The following CDH17 variants were observed in gnomAD, a reference collection of about 807,000 sequenced individuals.
CDH17 encodes cadherin 17.
Under a neutral mutation model 86.3 loss-of-function variants are expected in CDH17, and 67 were observed. The ratio of observed to expected loss-of-function variants is 0.78; its 90% confidence interval spans 0.64 to 0.95. CDH17 has a LOEUF of 0.95. Ranked by LOEUF, CDH17 falls within the 40% of genes least tolerant of loss-of-function variation. The pLI, the probability that CDH17 is intolerant of heterozygous loss-of-function variation, is 0.00. For synonymous variants in CDH17, 367 were observed against 366.4 expected, an observed-to-expected ratio of 1.00 and a Z score of -0.02; for missense variants, 993 against 1,017.6, an observed-to-expected ratio of 0.98 and a Z score of 0.33.
chr8:94,200,233 C>T (rs892920123), intron 1 of CDH17, among the ~76,000 whole-genome samples: 3 of 152,158 alleles, frequency 2.0e-5, no homozygotes, highest in Non-Finnish European at 2.9e-5. Context: ...TACCCTGGGT[C>T]GCAATGGTGC....
chr8:94,182,067 C>A (rs1443732259), intron 3 of CDH17, among the ~76,000 whole-genome samples: 1 of 152,020 alleles, frequency 6.6e-6, no homozygotes, highest in Non-Finnish European at 1.5e-5. Context: ...ACAAAAACTA[C>A]TAAAACTGAT....
intron 10 of CDH17, among the ~76,000 whole-genome samples, chr8:94,163,015 T>G (rs115163705): frequency 6.6e-6 from 1 of 152,220 alleles, no homozygotes; most frequent in African/African-American, 2.4e-5. Flanking sequence ...ATGTGAGAGC[T>G]TGGGTGCCTC....
chr8:94,178,599 G>A lies in CDH17; in HGVS notation c.151-878C>T, dbSNP rs549909962. On this transcript the variant is annotated intron_variant, in intron 3 of 17. Transcript: ENST00000027335. ...AAAAAAAGGACAGTGAAATTATTAT[G>A]GCACATGAACTTGACAGAATATTAA... 2.9e-4 allele frequency among the ~76,000 whole-genome samples: 44 copies of A among 152,038 alleles called. 1 individual carries two copies. In the South Asian group the frequency reaches 8.7e-3, roughly 30 times the overall value.
At chr8:94,160,829 C>T (rs2130618812) in intron 11 of CDH17, among the ~76,000 whole-genome samples, 1 of 152,322 alleles carries the variant, frequency 6.6e-6, no homozygotes, top group East Asian at 1.9e-4. Flanking sequence ...ATGTTACCAT[C>T]TCCACTTACG....
chr8:94,209,269 G>T (rs1356817908), upstream of CDH17, among the ~76,000 whole-genome samples: 1 of 152,128 alleles, frequency 6.6e-6, no homozygotes, highest in Non-Finnish European at 1.5e-5. Flanking sequence ...TCAAGTCAAG[G>T]CTTCTTTTAG....
At chr8:94,152,198 T>C in intron 12 of CDH17, 86 bp from the exon 13 acceptor site, 1 of 1,402,648 alleles carries the variant, frequency 7.1e-7, no homozygotes, top group Non-Finnish European at 9.8e-7. Context: ...AACTCTCATA[T>C]ATTCGATATA....
chr8:94,149,442 G>A (rs1334883189), intron 13 of CDH17, among the ~76,000 whole-genome samples: 2 of 152,204 alleles, frequency 1.3e-5, no homozygotes, highest in East Asian at 3.8e-4. Context: ...AAGTGAGATA[G>A]ACAGATAAAC....
At chr8:94,138,326 G>C (rs1812573032) in intron 15 of CDH17, among the ~76,000 whole-genome samples, 1 of 152,042 alleles carries the variant, frequency 6.6e-6, no homozygotes, top group East Asian at 1.9e-4. Flanking sequence ...GAAACCATGG[G>C]TTTAAAGATT....
At chr8:94,177,410 G>T (rs1483899177) in intron 4 of CDH17, among the ~76,000 whole-genome samples, 177 bp downstream of exon 4, 2 of 152,178 alleles carry the variant, frequency 1.3e-5, no homozygotes, top group African/African-American at 4.8e-5. Context: ...GGATATGTTT[G>T]CCACACCCCT....
At chr8:94,212,318 A>AT (rs911531113), upstream of CDH17, among the ~76,000 whole-genome samples, 21 of 151,468 alleles carry the variant, frequency 1.4e-4, no homozygotes, top group South Asian at 8.4e-4. Context: ...ACCATATCCC[A>AT]TTTTTTTTGT....
Position 94,170,454 on chromosome 8 carries a change from G to A in CDH17, c.1009C>T (p.Pro337Ser), listed in dbSNP as rs751015132. Residue 337 changes from proline to serine, a missense_variant, in exon 9 of 18, where the codon CCA becomes TCA. Physicochemically the swap from Pro to Ser is moderately conservative, Grantham distance 74. Coordinates refer to ENST00000027335, the MANE Select transcript of CDH17 (RefSeq NM_004063.4). ...HVKVKDINDN[P>S]PTCPSPVTVF... ...GTTACTGGTGACGGACATGTAGGTG[G>A]ATTATCATTAATATCTTTAACTTTT... is the stretch of plus-strand genomic sequence containing the variant. 1.4e-5 allele frequency: 22 copies of A among 1,613,664 alleles called. 2 individuals are homozygous for A. In the South Asian group the frequency reaches 2.2e-4, roughly 16 times the overall value.
At chr8:94,201,437 A>G (rs1813909919) in intron 1 of CDH17, among the ~76,000 whole-genome samples, 1 of 152,200 alleles carries the variant, frequency 6.6e-6, no homozygotes, top group African/African-American at 2.4e-5. Context: ...CTAATCCACA[A>G]TGACTGATGT....
chr8:94,128,957 T>C (rs1812355657), intron 17 of CDH17, among the ~76,000 whole-genome samples: 1 of 152,210 alleles, frequency 6.6e-6, no homozygotes, highest in Non-Finnish European at 1.5e-5. Flanking sequence ...GATTGTGTAC[T>C]GTCAGAGTCC....
chr8:94,150,331 A>G (rs1336156731), intron 13 of CDH17, among the ~76,000 whole-genome samples: 1 of 152,194 alleles, frequency 6.6e-6, no homozygotes. Context: ...CGAATCCAGA[A>G]CAGACATGGT....
chr8:94,179,278 C>T (rs868687920), intron 3 of CDH17, among the ~76,000 whole-genome samples: 8 of 152,136 alleles, frequency 5.3e-5, no homozygotes, highest in East Asian at 1.9e-4. Flanking sequence ...TTCATTTGAC[C>T]GGACTCAGAA....
intron 11 of CDH17, among the ~76,000 whole-genome samples, chr8:94,160,864 A>C (rs1242196988): frequency 6.6e-6 from 1 of 152,232 alleles, no homozygotes; most frequent in Non-Finnish European, 1.5e-5. Context: ...GGAGAAGTAA[A>C]ACCCACCAAG....
chr8:94,187,892 G>A (rs1357943861), intron 3 of CDH17, among the ~76,000 whole-genome samples: 2 of 152,122 alleles, frequency 1.3e-5, no homozygotes. Flanking sequence ...TTCCCTGACT[G>A]GAGAGGTGGA....
intron 17 of CDH17, among the ~76,000 whole-genome samples, 160 bp from the exon 18 acceptor site, chr8:94,128,500 C>T (rs921627799): frequency 6.6e-6 from 1 of 152,096 alleles, no homozygotes; most frequent in Non-Finnish European, 1.5e-5. Flanking sequence ...GGACTCTAGT[C>T]GTTGGCCTTC....
At chr8:94,136,067 C>T (rs1389863629) in intron 15 of CDH17, among the ~76,000 whole-genome samples, 2 of 152,188 alleles carry the variant, frequency 1.3e-5, no homozygotes, top group South Asian at 4.1e-4. Flanking sequence ...CCCGACCTTT[C>T]TCTCTGGCTG....
Sources: allele counts gnomAD v4.1 joint callset (sites outside exome capture counted in the v4.1 genomes callset), GRCh38; gene constraint gnomAD v4.1.1; transcripts MANE v1.5; gene names NCBI Gene and HGNC (gene_info 2026-07-23, HGNC 2026-07-21).